TMEM232: variants seen among roughly 807,000 people sequenced by gnomAD.
TMEM232 encodes the protein transmembrane protein 232.
In TMEM232, 80 loss-of-function variants were observed where a neutral mutation model predicts 78.8. The observed-to-expected ratio is 1.01, with a 90% confidence interval of 0.85 to 1.22. TMEM232 has a LOEUF of 1.22. TMEM232 is among the 50% of genes most tolerant of loss of function. The pLI, the probability that TMEM232 is intolerant of heterozygous loss-of-function variation, is 0.00. For synonymous variants in TMEM232, 297 were observed against 254.3 expected, an observed-to-expected ratio of 1.17 and a Z score of -1.60; for missense variants, 881 against 742.2, an observed-to-expected ratio of 1.19 and a Z score of -2.17.
intron 8 of TMEM232, 102 bp from the exon 9 acceptor site, chr5:110,606,389 T>A: frequency 1.8e-6 from 2 of 1,114,124 alleles, no homozygotes; most frequent in Non-Finnish European, 2.5e-6. Context: ...GAAATGCATG[T>A]CTGCATTACC....
intron 10 of TMEM232, among the ~76,000 whole-genome samples, chr5:110,601,469 T>C (rs1780885670): frequency 6.6e-6 from 1 of 152,066 alleles, no homozygotes; most frequent in African/African-American, 2.4e-5. Flanking sequence ...GAATATAAAA[T>C]TAATTTGCAA....
At chr5:110,436,633 A>G (rs1019221297) in intron 12 of TMEM232, among the ~76,000 whole-genome samples, 1 of 152,072 alleles carries the variant, frequency 6.6e-6, no homozygotes, top group Non-Finnish European at 1.5e-5. Flanking sequence ...TGATTTTTGC[A>G]TAAGGCAAGA....
At chr5:110,453,437 G>A (rs1760537401) in intron 12 of TMEM232, among the ~76,000 whole-genome samples, 1 of 152,008 alleles carries the variant, frequency 6.6e-6, no homozygotes, top group South Asian at 2.1e-4. Context: ...AAGTAGCTGG[G>A]ATTACAGGCA....
At chr5:110,408,567 G>A (rs376494908) in intron 2 of TMEM232, among the ~76,000 whole-genome samples, 1 of 151,996 alleles carries the variant, frequency 6.6e-6, no homozygotes, top group South Asian at 2.1e-4. Flanking sequence ...TCCAGCCCGG[G>A]TGACAGAGTG....
chr5:110,468,584 C>T (rs774572818), intron 12 of TMEM232, among the ~76,000 whole-genome samples: 6 of 151,912 alleles, frequency 3.9e-5, no homozygotes, highest in East Asian at 3.9e-4. Context: ...AAATTCTATT[C>T]GAATGATATA....
At chr5:110,558,285 A>C (rs2149645384) in intron 11 of TMEM232, among the ~76,000 whole-genome samples, 1 of 152,226 alleles carries the variant, frequency 6.6e-6, no homozygotes, top group Non-Finnish European at 1.5e-5. Flanking sequence ...CAGTAGCATC[A>C]GGGCAGTGAT....
At position 110,616,110 on chromosome 5, in the gene TMEM232, C is replaced by G. The variant is rs151118676; in HGVS notation, c.902+2319G>C. 1.7e-4 allele frequency among the ~76,000 whole-genome samples: 26 copies of G among 151,926 alleles called. No individual in the cohort carries two copies. In the East Asian group the frequency reaches 5.0e-3, roughly 29 times the overall value. ...TGAAACCACAAAATTCCCTGAATAT[C>G]CAAAGCAATCCTGAGCAAAAAGAAA... On this transcript the variant is annotated intron_variant, in intron 8 of 13. Coordinates refer to ENST00000455884, the MANE Select transcript of TMEM232 (RefSeq NM_001039763.4).
At chr5:110,511,457 A>C (rs1488919293) in intron 12 of TMEM232, among the ~76,000 whole-genome samples, 1 of 152,026 alleles carries the variant, frequency 6.6e-6, no homozygotes, top group Non-Finnish European at 1.5e-5. Context: ...AAAAAAAAGA[A>C]AAAGAAAAAT....
Position 110,606,245 on chromosome 5 carries a change from G to T in TMEM232, c.945C>A (p.Ala315=). 1.3e-6 allele frequency: 2 copies of T among 1,543,026 alleles called. No individual in the cohort carries two copies. The highest frequency in any genetic ancestry group is 1.8e-6 in the Non-Finnish European group (2 of 1,140,988). The part of the protein sequence containing the change: ...VLALLVLGEA[A]KLNMACLKAL... The stretch of plus-strand genomic sequence containing the variant: ...CTTTCAAGCAGGCCATGTTTAATTT[G>T]GCAGCCTCCCCAAGGACCAGTAAAG... Residue 315 remains alanine (A), a synonymous_variant, in exon 9 of 14, where the codon GCC becomes GCA. Coordinates refer to ENST00000455884, the MANE Select transcript of TMEM232 (RefSeq NM_001039763.4).
At chr5:110,734,265 T>G (rs1319781733) in intron 2 of TMEM232, among the ~76,000 whole-genome samples, 5 of 152,232 alleles carry the variant, frequency 3.3e-5, no homozygotes, top group African/African-American at 9.6e-5. Context: ...GGTTCAGGTC[T>G]GCTCCAAATA....
intron 12 of TMEM232, among the ~76,000 whole-genome samples, chr5:110,444,310 G>A (rs1759401906): frequency 6.6e-6 from 1 of 152,058 alleles, no homozygotes; most frequent in South Asian, 2.1e-4. Context: ...TCCCTGTGTG[G>A]GCGCTGGCTG....
intron 1 of TMEM232, among the ~76,000 whole-genome samples, chr5:110,715,324 T>G (rs957204212): frequency 2.0e-5 from 3 of 151,676 alleles, no homozygotes; most frequent in Non-Finnish European, 4.4e-5. Context: ...ATTTTGTAAT[T>G]AAAAGGACTA....
At chr5:110,440,511 T>C (rs967957228) in intron 12 of TMEM232, among the ~76,000 whole-genome samples, 2 of 152,160 alleles carry the variant, frequency 1.3e-5, no homozygotes, top group African/African-American at 4.8e-5. Context: ...TATGGAAAGA[T>C]ATTTGAAAAT....
intron 11 of TMEM232, among the ~76,000 whole-genome samples, chr5:110,546,681 C>A (rs1038711254): frequency 6.6e-6 from 1 of 152,048 alleles, no homozygotes; most frequent in Non-Finnish European, 1.5e-5. Flanking sequence ...GAGGCACAAG[C>A]CCTCACTGTA....
intron 1 of TMEM232, among the ~76,000 whole-genome samples, chr5:110,685,871 T>C (rs374479090): frequency 5.3e-5 from 8 of 151,994 alleles, no homozygotes; most frequent in African/African-American, 1.9e-4. Context: ...AAATACTACA[T>C]TGAGTGAAAA....
intron 13 of TMEM232, 74 bp from the exon 14 acceptor site, chr5:110,420,830 C>T: frequency 6.9e-7 from 1 of 1,458,676 alleles, no homozygotes; most frequent in Non-Finnish European, 8.9e-7. Flanking sequence ...GCTCAAAATG[C>T]AGATTCTTAT....
At chr5:110,590,578 C>T (rs1338656286) in intron 10 of TMEM232, among the ~76,000 whole-genome samples, 2 of 152,042 alleles carry the variant, frequency 1.3e-5, no homozygotes, top group Non-Finnish European at 2.9e-5. Flanking sequence ...ACTCCACCGT[C>T]AGGGGAAAAA....
chr5:110,600,212 G>A (rs144864166), intron 10 of TMEM232, among the ~76,000 whole-genome samples: 6 of 152,056 alleles, frequency 3.9e-5, no homozygotes, highest in Admixed American at 2.6e-4. Flanking sequence ...AGAAAGCGGG[G>A]AAGATCTAAA....
intron 12 of TMEM232, among the ~76,000 whole-genome samples, chr5:110,506,376 T>C (rs1354223980): frequency 2.6e-5 from 4 of 152,182 alleles, no homozygotes; most frequent in African/African-American, 4.8e-5. Flanking sequence ...ATATATTTTA[T>C]GGTTAATTTC....
Sources: allele counts gnomAD v4.1 joint callset (sites outside exome capture counted in the v4.1 genomes callset), GRCh38; gene constraint gnomAD v4.1.1; transcripts MANE v1.5; gene names NCBI Gene and HGNC (gene_info 2026-07-23, HGNC 2026-07-21).